The following ZBTB20 variants were observed in gnomAD, a reference collection of about 807,000 sequenced individuals.
ZBTB20 encodes zinc finger and BTB domain containing 20, also known as zinc finger and BTB domain-containing protein 20.
ZBTB20 carries 9 observed loss-of-function variants against 56.9 expected under a neutral mutation model. The observed-to-expected ratio is 0.16, with a 90% confidence interval of 0.10 to 0.28. The LOEUF (loss-of-function observed/expected upper bound fraction) is 0.28. Among genes scored for constraint, ZBTB20 ranks in the 10% least tolerant of loss-of-function variants. ZBTB20 has a pLI of 1.00. For synonymous variants in ZBTB20, 417 were observed against 420.7 expected, an observed-to-expected ratio of 0.99 and a Z score of 0.11; for missense variants, 655 against 1,003.0, an observed-to-expected ratio of 0.65 and a Z score of 4.69.
chr3:114,529,148 G>A (rs2047557865), intron 6 of ZBTB20: 2 of 152,170 alleles, frequency 1.3e-5, no homozygotes, highest in African/African-American at 4.8e-5. Context: ...AGCCTTCTCT[G>A]CAGATAGCTA....
intron 10 of ZBTB20, among the ~76,000 whole-genome samples, chr3:114,368,398 C>T (rs1186679636): frequency 2.0e-5 from 3 of 152,148 alleles, no homozygotes; most frequent in Non-Finnish European, 4.4e-5. Context: ...TGTTATCATA[C>T]CTGCCCCCAC....
At position 114,744,854 on chromosome 3, in the gene ZBTB20, A is replaced by G. The variant is rs1165304691; in HGVS notation, c.-342-51279T>C. ...AAAGGCATTATATAGAAAAACACCC[A>G]TCTGTCCTAGTGCAATGGTGAATGT... On this transcript the variant is annotated intron_variant, in intron 5 of 11. Coordinates refer to ENST00000675478, the MANE Select transcript of ZBTB20 (RefSeq NM_001348800.3). Among the ~76,000 whole-genome samples the G allele has an allele frequency of 2.6e-5, 4 of 152,122 alleles. No individual in the cohort carries two copies. The East Asian group carries it at 7.7e-4, about 29-fold the overall frequency.
intron 6 of ZBTB20, among the ~76,000 whole-genome samples, chr3:114,565,796 G>GA (rs537773624): frequency 8.0e-5 from 12 of 150,092 alleles, no homozygotes; most frequent in African/African-American, 2.2e-4. Context: ...CACATTTAGA[G>GA]AAAAAAAAAG....
chr3:114,756,314 G>A (rs2068008774), intron 5 of ZBTB20, among the ~76,000 whole-genome samples: 1 of 151,908 alleles, frequency 6.6e-6, no homozygotes, highest in African/African-American at 2.4e-5. Context: ...TTCCATTTAG[G>A]GAGATATAAA....
At position 115,034,854 on chromosome 3, in the gene ZBTB20, C is replaced by A. The variant is rs561522809; in HGVS notation, c.-507+36365G>T. 2.6e-5 allele frequency among the ~76,000 whole-genome samples: 4 copies of A among 151,944 alleles called. No individual in the cohort carries two copies. In the East Asian group the frequency reaches 7.7e-4, roughly 29 times the overall value. ...CAAAGCTACAGTAATCAAAACAGCA[C>A]GGTACTGGCGTAAAGACAAACTAAG... On this transcript the variant is annotated intron_variant, in intron 2 of 11. Transcript: ENST00000675478.
intron 5 of ZBTB20, among the ~76,000 whole-genome samples, chr3:114,750,620 G>A (rs565403163): frequency 1.1e-4 from 17 of 152,194 alleles, no homozygotes; most frequent in Admixed American, 2.6e-4. Flanking sequence ...AAAATAGGCA[G>A]CTTGGTACTC....
intron 2 of ZBTB20, among the ~76,000 whole-genome samples, chr3:114,992,568 C>A (rs1389059599): frequency 6.6e-6 from 1 of 151,816 alleles, no homozygotes; most frequent in African/African-American, 2.4e-5. Context: ...CTCTTGGTGT[C>A]CCCCTAGAGC....
At chr3:114,673,967 T>C (rs1029636442) in intron 6 of ZBTB20, among the ~76,000 whole-genome samples, 9 of 152,122 alleles carry the variant, frequency 5.9e-5, no homozygotes, top group African/African-American at 1.9e-4. Flanking sequence ...AACAAAACAA[T>C]GGTGTATTTC....
intron 6 of ZBTB20, among the ~76,000 whole-genome samples, chr3:114,602,191 T>G (rs1203157869): frequency 6.6e-6 from 1 of 151,986 alleles, no homozygotes; most frequent in African/African-American, 2.4e-5. Context: ...AATAACAAGT[T>G]CTATAGAGTT....
At chr3:114,841,689 G>A (rs1370311053) in intron 4 of ZBTB20, among the ~76,000 whole-genome samples, 1 of 152,204 alleles carries the variant, frequency 6.6e-6, no homozygotes, top group African/African-American at 2.4e-5. Flanking sequence ...AATACTGGAG[G>A]TGAGAGCATG....
chr3:115,016,128 C>T (rs2079945124), intron 2 of ZBTB20, among the ~76,000 whole-genome samples: 2 of 151,960 alleles, frequency 1.3e-5, no homozygotes, highest in Admixed American at 1.3e-4. Context: ...TGAGAAGTGT[C>T]TGTTCATGTG....
intron 2 of ZBTB20, among the ~76,000 whole-genome samples, chr3:115,042,500 A>C (rs2081181175): frequency 2.0e-5 from 3 of 152,192 alleles, no homozygotes; most frequent in Non-Finnish European, 2.9e-5. Context: ...TGAGTTTAGA[A>C]ACAAAGTATC....
intron 10 of ZBTB20, among the ~76,000 whole-genome samples, chr3:114,375,572 T>C (rs771351754): frequency 1.8e-4 from 27 of 152,212 alleles, no homozygotes; most frequent in Non-Finnish European, 3.4e-4. Context: ...CCAGTGGGCA[T>C]GCCTGCAATT....
At chr3:114,592,116 C>T (rs1252004657) in intron 6 of ZBTB20, among the ~76,000 whole-genome samples, 2 of 152,258 alleles carry the variant, frequency 1.3e-5, no homozygotes, top group East Asian at 3.9e-4. Flanking sequence ...ACCTCAATAG[C>T]ATGTCACTTC....
chr3:114,602,021 G>C (rs1560020474), intron 6 of ZBTB20, among the ~76,000 whole-genome samples: 2 of 151,982 alleles, frequency 1.3e-5, no homozygotes, highest in East Asian at 3.9e-4. Flanking sequence ...GGCTCCACAG[G>C]GGATACGTTA....
rs1239258785 is a variant in ZBTB20, at chr3:114,331,583, CAT to C, written c.*7420_*7421del. 6.6e-6 allele frequency: 1 copy of C among 152,180 alleles called. No individual in the cohort carries two copies. Among genetic ancestry groups the C allele is most frequent in the Non-Finnish European group, 1.5e-5 (1 of 68,044 alleles). 9.4% of individuals were successfully genotyped at this position (152,180 alleles called of 1,614,324 possible). On this transcript the variant is annotated 3_prime_UTR_variant, in exon 12 of 12. Transcript: ENST00000675478. The stretch of plus-strand genomic sequence containing the variant: ...CAATAAGTATATACACAAACACACA[CAT>C]GTGCACACATGTCAATAAATCCAAT...
intron 1 of ZBTB20, among the ~76,000 whole-genome samples, chr3:115,073,655 A>G (rs760514050): frequency 6.6e-6 from 1 of 152,090 alleles, no homozygotes; most frequent in African/African-American, 2.4e-5. Context: ...AAGAAAGCAT[A>G]GGGAAATTAA....
At chr3:115,137,710 AT>A (rs1489094992) in intron 1 of ZBTB20, among the ~76,000 whole-genome samples, 1 of 152,052 alleles carries the variant, frequency 6.6e-6, no homozygotes, top group African/African-American at 2.4e-5. Flanking sequence ...GGTATATAAT[AT>A]TTTACCCCTC....
At chr3:114,812,454 A>T (rs1416215224) in intron 4 of ZBTB20, among the ~76,000 whole-genome samples, 4 of 152,042 alleles carry the variant, frequency 2.6e-5, no homozygotes, top group Admixed American at 6.5e-5. Flanking sequence ...GTGTTTACAA[A>T]CCTTGAGCTA....
Sources: allele counts gnomAD v4.1 joint callset (sites outside exome capture counted in the v4.1 genomes callset), GRCh38; gene constraint gnomAD v4.1.1; transcripts MANE v1.5; gene names NCBI Gene and HGNC (gene_info 2026-07-23, HGNC 2026-07-21).